The following KIF26B variants were observed in gnomAD, a reference collection of about 807,000 sequenced individuals.
The protein encoded by KIF26B is kinesin-like protein KIF26B.
A neutral mutation model predicts 151.2 loss-of-function variants in KIF26B; 63 were observed. The ratio of observed to expected loss-of-function variants is 0.42; its 90% CI spans 0.34 to 0.51. The LOEUF is 0.51. Ranked by LOEUF, KIF26B falls within the 20% of genes least tolerant of loss-of-function variation. The pLI, the probability that KIF26B is intolerant of heterozygous loss-of-function variation, is 0.07. For synonymous variants in KIF26B, 1,357 were observed against 1,262.1 expected, an observed-to-expected ratio of 1.08 and a Z score of -1.59; for missense variants, 2,813 against 2,913.6, an observed-to-expected ratio of 0.97 and a Z score of 0.79.
intron 4 of KIF26B, among the ~76,000 whole-genome samples, chr1:245,428,096 C>G (rs536482770): frequency 1.2e-3 from 180 of 152,294 alleles, no homozygotes; most frequent in African/African-American, 4.0e-3. Context: ...GGTGGCCAAG[C>G]AGTGTCAGGA....
intron 10 of KIF26B, among the ~76,000 whole-genome samples, chr1:245,659,764 C>T (rs1379465049): frequency 1.3e-5 from 2 of 151,788 alleles, no homozygotes; most frequent in African/African-American, 4.8e-5. Flanking sequence ...GTAGGCCGGG[C>T]GCGGTGGCTC....
chr1:245,315,777 T>C (rs1332253079), intron 2 of KIF26B, among the ~76,000 whole-genome samples: 1 of 151,072 alleles, frequency 6.6e-6, no homozygotes, highest in Non-Finnish European at 1.5e-5. Flanking sequence ...TGGTCCCAGA[T>C]ACTCAAGAGG....
intron 10 of KIF26B, among the ~76,000 whole-genome samples, chr1:245,663,541 A>C (rs1033274049): frequency 2.0e-5 from 3 of 151,434 alleles, no homozygotes; most frequent in African/African-American, 7.3e-5. Flanking sequence ...TTCTTTGTTT[A>C]TTTGTGTCTG....
chr1:245,690,816 T>C (rs1388143278), intron 12 of KIF26B, among the ~76,000 whole-genome samples: 1 of 152,140 alleles, frequency 6.6e-6, no homozygotes, highest in East Asian at 1.9e-4. Flanking sequence ...GTGACAGCAC[T>C]TGGAGCAGAA....
rs2044792331 is a variant in KIF26B at position 245,702,959 on chromosome 1, T to TG, written c.*354dup. The TG allele has an allele frequency of 4.4e-6, 1 of 227,316 alleles. No individual in the cohort carries two copies. The highest frequency in any genetic ancestry group is 8.5e-6 in the Non-Finnish European group (1 of 117,218). The allele number at this position is 227,316 out of a possible 1,614,324, so 14.1% of individuals were successfully genotyped here. On this transcript the variant is annotated 3_prime_UTR_variant, in exon 15 of 15. Coordinates refer to ENST00000407071, the MANE Select transcript of KIF26B (RefSeq NM_018012.4). The surrounding 1 kb of genome is among the most constrained non-coding windows in gnomAD (Gnocchi z 4.1). ...TTTCGTGAGAAAGGAGGGGCGTGGA[T>TG]GTAGGATTGCTGTGGAAAGCGAACA...
chr1:245,430,302 T>C (rs1032505734), intron 4 of KIF26B, among the ~76,000 whole-genome samples: 1 of 151,894 alleles, frequency 6.6e-6, no homozygotes, highest in Non-Finnish European at 1.5e-5. Context: ...TCTACACTTC[T>C]ACCACCACCC....
At chr1:245,211,108 G>A (rs940616029) in intron 2 of KIF26B, among the ~76,000 whole-genome samples, 2 of 152,144 alleles carry the variant, frequency 1.3e-5, no homozygotes, top group African/African-American at 4.8e-5. Flanking sequence ...GGAGAGACTA[G>A]CCAACTGTTG....
At chr1:245,359,874 C>CTTT (rs766845350) in intron 2 of KIF26B, among the ~76,000 whole-genome samples, 9,557 of 139,522 alleles carry the variant, frequency 0.068, 1,181 homozygotes, top group African/African-American at 0.24. Context: ...TTCTTTCTTT[C>CTTT]TTTTTTTTTT....
chr1:245,197,205 G>C (rs922231314), intron 2 of KIF26B, among the ~76,000 whole-genome samples: 1 of 152,176 alleles, frequency 6.6e-6, no homozygotes, highest in Non-Finnish European at 1.5e-5. Flanking sequence ...AGAAGAAAGC[G>C]CTGCATAGTC....
intron 9 of KIF26B, among the ~76,000 whole-genome samples, chr1:245,639,752 T>C (rs1488014580): frequency 6.6e-6 from 1 of 152,008 alleles, no homozygotes; most frequent in Admixed American, 6.6e-5. Flanking sequence ...TGTTATTCAA[T>C]TTCCATATAT....
At chr1:245,398,314 T>C (rs1673908385) in intron 3 of KIF26B, among the ~76,000 whole-genome samples, 1 of 152,158 alleles carries the variant, frequency 6.6e-6, no homozygotes, top group Non-Finnish European at 1.5e-5. Flanking sequence ...TGACCCCCGA[T>C]AAAGTAATCC....
intron 2 of KIF26B, among the ~76,000 whole-genome samples, chr1:245,343,948 CG>C (rs993949304): frequency 6.6e-6 from 1 of 152,224 alleles, no homozygotes. Context: ...AGCTGCAATT[CG>C]GGGGGGCCAA....
intron 10 of KIF26B, among the ~76,000 whole-genome samples, chr1:245,679,264 G>A (rs2044397003): frequency 6.6e-6 from 1 of 152,050 alleles, no homozygotes; most frequent in Non-Finnish European, 1.5e-5. Context: ...GTGCCAGCTT[G>A]GGCCTGCAGG....
At chr1:245,289,104 T>C (rs1671212870) in intron 2 of KIF26B, among the ~76,000 whole-genome samples, 1 of 152,168 alleles carries the variant, frequency 6.6e-6, no homozygotes, top group African/African-American at 2.4e-5. Context: ...TGACTAACAG[T>C]AGGTATCTCA....
chr1:245,654,392 C>T (rs2044052211), intron 10 of KIF26B, among the ~76,000 whole-genome samples: 1 of 152,078 alleles, frequency 6.6e-6, no homozygotes, highest in South Asian at 2.1e-4. Flanking sequence ...GTGTGCAGGG[C>T]TCCGGGTAGA....
intron 5 of KIF26B, among the ~76,000 whole-genome samples, chr1:245,546,937 T>G (rs551052493): frequency 3.3e-5 from 5 of 152,370 alleles, no homozygotes; most frequent in Admixed American, 1.3e-4. Context: ...TTTTGAGCCT[T>G]CCTTCAACCG....
At chr1:245,651,069 A>C (rs1237802483) in intron 10 of KIF26B, among the ~76,000 whole-genome samples, 3 of 152,178 alleles carry the variant, frequency 2.0e-5, no homozygotes, top group Non-Finnish European at 4.4e-5. Context: ...ACGAGCAAAC[A>C]CCGCAGGCAA....
intron 4 of KIF26B, among the ~76,000 whole-genome samples, chr1:245,427,625 C>G (rs1202100957): frequency 6.6e-6 from 1 of 152,068 alleles, no homozygotes; most frequent in African/African-American, 2.4e-5. Flanking sequence ...AACAAACAAA[C>G]AAAGAAAAAG....
intron 2 of KIF26B, among the ~76,000 whole-genome samples, chr1:245,266,545 G>T: frequency 6.7e-6 from 1 of 150,160 alleles, no homozygotes; most frequent in East Asian, 2.0e-4. Flanking sequence ...GTCTCATTCT[G>T]TCACCCACGC....
Sources: allele counts gnomAD v4.1 joint callset (sites outside exome capture counted in the v4.1 genomes callset), GRCh38; gene constraint gnomAD v4.1.1; non-coding constraint Gnocchi (gnomAD v3.1); transcripts MANE v1.5; gene names NCBI Gene and HGNC (gene_info 2026-07-23, HGNC 2026-07-21).